Variants in ATE1 observed in about 807,000 individuals in gnomAD.
ATE1 encodes the protein arginyltransferase 1, also known as arginyl-tRNA--protein transferase 1.
Under a neutral mutation model 70.5 loss-of-function variants are expected in ATE1, and 36 were observed. The observed-to-expected ratio is 0.51, with a 90% CI of 0.39 to 0.67. ATE1 has a LOEUF of 0.67. ATE1 is among the 30% of genes least tolerant of loss of function. ATE1 has a pLI of 0.00. For missense variants in ATE1, 593 were observed against 629.5 expected (o/e 0.94, Z 0.62); for synonymous variants, 232 against 219.3 (o/e 1.06, Z -0.51).
intron 8 of ATE1, among the ~76,000 whole-genome samples, chr10:121,842,169 T>C (rs1948655469): frequency 6.6e-6 from 1 of 152,206 alleles, no homozygotes; most frequent in Non-Finnish European, 1.5e-5. Context: ...TTATTCTTCA[T>C]TATTATCTTA....
chr10:121,755,001 C>A (rs80128957), intron 11 of ATE1, among the ~76,000 whole-genome samples: 2,097 of 152,148 alleles, frequency 0.014, 44 homozygotes, highest in African/African-American at 0.048. Context: ...CTGGACTCTT[C>A]AAAAATATCG....
At chr10:121,875,217 A>G (rs1950005681) in intron 7 of ATE1, among the ~76,000 whole-genome samples, 1 of 147,862 alleles carries the variant, frequency 6.8e-6, no homozygotes, top group South Asian at 2.1e-4. Context: ...CTGAAGCATT[A>G]TATCTCCTTT....
At chr10:121,771,230 C>G (rs1945505323) in intron 11 of ATE1, among the ~76,000 whole-genome samples, 1 of 152,178 alleles carries the variant, frequency 6.6e-6, no homozygotes, top group Non-Finnish European at 1.5e-5. Context: ...GCCACCATGC[C>G]TGGCTAATTT....
chr10:121,832,780 T>C (rs1948294045), intron 10 of ATE1, among the ~76,000 whole-genome samples: 1 of 152,206 alleles, frequency 6.6e-6, no homozygotes, highest in African/African-American at 2.4e-5. Context: ...TACTCTGCCA[T>C]TGGCCTCTAA....
chr10:121,770,232 A>AG (rs1288848220), intron 11 of ATE1, among the ~76,000 whole-genome samples: 1 of 117,552 alleles, frequency 8.5e-6, no homozygotes, highest in African/African-American at 3.5e-5. Context: ...GACAAGAGAG[A>AG]AACACACACA....
intron 6 of ATE1, among the ~76,000 whole-genome samples, chr10:121,900,275 T>C (rs1454740586): frequency 6.6e-6 from 1 of 152,164 alleles, no homozygotes; most frequent in Admixed American, 6.5e-5. Context: ...TGGCAGAGTA[T>C]TTCCAGCACT....
At chr10:121,914,836 G>C (rs1202627457) in intron 3 of ATE1, among the ~76,000 whole-genome samples, 2 of 152,174 alleles carry the variant, frequency 1.3e-5, no homozygotes, top group Non-Finnish European at 2.9e-5. Context: ...TACATGTTGA[G>C]ATCACCAACC....
chr10:121,899,232 ATAAAC>A (rs1324339683), intron 7 of ATE1, among the ~76,000 whole-genome samples: 3 of 152,162 alleles, frequency 2.0e-5, no homozygotes, highest in African/African-American at 7.2e-5. Context: ...AGTTTTCTGC[ATAAAC>A]TAGAGTCAAT....
chr10:121,854,691 C>T (rs777553561), intron 8 of ATE1, among the ~76,000 whole-genome samples: 3 of 152,120 alleles, frequency 2.0e-5, no homozygotes, highest in Non-Finnish European at 4.4e-5. Context: ...GGAAAAAAAA[C>T]GGTCAGGCAG....
intron 8 of ATE1, among the ~76,000 whole-genome samples, chr10:121,858,668 A>ATAATATATATTTTATATATG (rs1949346153): frequency 7.2e-6 from 1 of 138,652 alleles, no homozygotes; most frequent in Non-Finnish European, 1.5e-5. Flanking sequence ...TAATATATAT[A>ATAATATATATTTTATATATG]TAATATATAT....
rs780242069 is a variant in ATE1 at position 121,903,458 on chromosome 10, G to A, written c.584-838C>T. The stretch of plus-strand genomic sequence containing the variant: ...TTCTAGCACTTTGGGGGGCTAAGGC[G>A]GGCAGATCACCTGAGGTTGAGAGTT... On this transcript the variant is annotated intron_variant, in intron 5 of 11. Transcript: ENST00000224652. 1.8e-4 allele frequency among the ~76,000 whole-genome samples: 28 copies of A among 152,004 alleles called. 1 individual carries two copies. Among genetic ancestry groups the A allele is most frequent in the Non-Finnish European group, 3.5e-4 (24 of 68,010 alleles).
At chr10:121,874,095 T>C (rs1949951401) in intron 7 of ATE1, among the ~76,000 whole-genome samples, 1 of 152,224 alleles carries the variant, frequency 6.6e-6, no homozygotes, top group Non-Finnish European at 1.5e-5. Context: ...CTGATTATTT[T>C]AGATTATAAT....
At chr10:121,842,244 T>C (rs1334653847) in intron 8 of ATE1, among the ~76,000 whole-genome samples, 1 of 152,204 alleles carries the variant, frequency 6.6e-6, no homozygotes, top group East Asian at 1.9e-4. Flanking sequence ...CCTGTAAATA[T>C]AGCTAGTTAA....
chr10:121,911,457 A>C (rs80300915), intron 4 of ATE1, among the ~76,000 whole-genome samples: 1 of 151,580 alleles, frequency 6.6e-6, no homozygotes, highest in Non-Finnish European at 1.5e-5. Flanking sequence ...AAAAAAAAAA[A>C]AAACAAAAAC....
At chr10:121,787,854 T>C (rs908831547) in intron 11 of ATE1, among the ~76,000 whole-genome samples, 1 of 152,200 alleles carries the variant, frequency 6.6e-6, no homozygotes, top group Non-Finnish European at 1.5e-5. Flanking sequence ...TGGATGGAAA[T>C]TATTCAGTCA....
intron 10 of ATE1, among the ~76,000 whole-genome samples, chr10:121,802,122 T>C (rs1319328847): frequency 6.6e-6 from 1 of 152,174 alleles, no homozygotes; most frequent in Non-Finnish European, 1.5e-5. Flanking sequence ...CTATATCCAC[T>C]GCGTGCAAAT....
chr10:121,912,895 C>T (rs1032585766), intron 4 of ATE1, among the ~76,000 whole-genome samples: 4 of 121,350 alleles, frequency 3.3e-5, no homozygotes, highest in African/African-American at 7.9e-5. Context: ...CCACGAAGCT[C>T]GGCCAATTTT....
rs2135630141 is a variant in ATE1 at position 121,743,152 on chromosome 10, CA to C, written c.*527del. 6.6e-6 allele frequency: 1 copy of C among 152,604 alleles called. No homozygotes were observed. Among genetic ancestry groups the C allele is most frequent in the African/African-American group, 2.4e-5 (1 of 41,558 alleles). The allele number at this position is 152,604 out of a possible 1,614,324, so 9.5% of individuals were successfully genotyped here. ...TTTTTTCAAGTTCTCTATTAAACTA[CA>C]TAACATTTGGCAGCAATTTCACATT... On this transcript the variant is annotated 3_prime_UTR_variant, in exon 12 of 12. Coordinates refer to ENST00000224652, the MANE Select transcript of ATE1 (RefSeq NM_001001976.3).
intron 11 of ATE1, among the ~76,000 whole-genome samples, chr10:121,789,880 G>T (rs1946364883): frequency 6.6e-6 from 1 of 152,154 alleles, no homozygotes. Flanking sequence ...AGTTGGAAAA[G>T]ATATGGATAT....
Sources: gnomAD v4.1 joint callset for allele counts (sites outside exome capture counted in the v4.1 genomes callset) on GRCh38, gnomAD v4.1.1 for gene constraint, MANE v1.5 for transcripts, NCBI Gene and HGNC (gene_info 2026-07-23, HGNC 2026-07-21) for gene names.